ELMO1: variants seen among roughly 807,000 people sequenced by gnomAD.
The protein encoded by ELMO1 is engulfment and cell motility protein 1.
Under a neutral mutation model 98.9 loss-of-function variants are expected in ELMO1, and 26 were observed. The observed-to-expected ratio is 0.26, with a 90% CI of 0.19 to 0.36. ELMO1 has a LOEUF of 0.36. Ranked by LOEUF, ELMO1 falls within the 10% of genes least tolerant of loss-of-function variation. The pLI is 1.00. For synonymous variants in ELMO1, 346 were observed against 346.0 expected (o/e 1.00, Z 0.00); for missense variants, 627 against 935.2 (o/e 0.67, Z 4.30).
intron 1 of ELMO1, among the ~76,000 whole-genome samples, chr7:37,372,671 T>C (rs1157970949): frequency 6.6e-6 from 1 of 152,222 alleles, no homozygotes; most frequent in East Asian, 1.9e-4. Context: ...CATATGCAAG[T>C]GTATTTCAAA....
intron 1 of ELMO1, among the ~76,000 whole-genome samples, chr7:37,444,047 G>C (rs1169438709): frequency 6.6e-6 from 1 of 152,186 alleles, no homozygotes; most frequent in Non-Finnish European, 1.5e-5. Flanking sequence ...TGGGACTACA[G>C]GTGCATGCCA....
intron 2 of ELMO1, among the ~76,000 whole-genome samples, chr7:37,331,355 T>TTTTTTTTTTTTTTC (rs1479168474): frequency 9.5e-6 from 1 of 105,668 alleles, no homozygotes; most frequent in African/African-American, 3.6e-5. Context: ...TTTTTTTTTT[T>TTTTTTTTTTTTTTC]GGAATTTTAG....
chr7:37,233,431 C>T (rs1794291574), intron 7 of ELMO1, among the ~76,000 whole-genome samples: 1 of 152,118 alleles, frequency 6.6e-6, no homozygotes, highest in African/African-American at 2.4e-5. Context: ...TCCAACAGAC[C>T]CGGGCTCACA....
chr7:37,159,115 G>T (rs1212504771), intron 13 of ELMO1, among the ~76,000 whole-genome samples: 1 of 152,148 alleles, frequency 6.6e-6, no homozygotes, highest in Non-Finnish European at 1.5e-5. Flanking sequence ...GAGAACACAT[G>T]CACACAGGGA....
chr7:37,282,740 C>G (rs1412782143), intron 4 of ELMO1, among the ~76,000 whole-genome samples: 1 of 152,210 alleles, frequency 6.6e-6, no homozygotes, highest in Non-Finnish European at 1.5e-5. Context: ...CTTGCAGGGG[C>G]TGCTCACCAT....
chr7:36,984,805 A>T, intron 16 of ELMO1: 1 of 737,844 alleles, frequency 1.4e-6, no homozygotes. Context: ...TAAAAAAAGT[A>T]ACATGATGAA....
intron 8 of ELMO1, among the ~76,000 whole-genome samples, chr7:37,226,785 T>C (rs925666857): frequency 5.9e-5 from 9 of 152,174 alleles, no homozygotes; most frequent in Non-Finnish European, 1.0e-4. Context: ...ATCCACTCTT[T>C]TCATTCAGCC....
At chr7:37,080,137 C>T (rs1177060510) in intron 15 of ELMO1, among the ~76,000 whole-genome samples, 1 of 152,148 alleles carries the variant, frequency 6.6e-6, no homozygotes, top group East Asian at 1.9e-4. Context: ...CAGGAAAATC[C>T]TGTTGGCTCT....
chr7:36,869,629 T>C (rs150498471), intron 20 of ELMO1, among the ~76,000 whole-genome samples: 4,295 of 152,282 alleles, frequency 0.028, 144 homozygotes, highest in South Asian at 0.15. Context: ...GATCACAAGA[T>C]TCTAAGAGGC....
chr7:37,019,326 A>C (rs559794331), intron 15 of ELMO1, among the ~76,000 whole-genome samples: 3 of 152,364 alleles, frequency 2.0e-5, no homozygotes, highest in African/African-American at 7.2e-5. Flanking sequence ...GGCAAATAAC[A>C]AAGTAAGAAT....
chr7:37,137,234 T>C (rs184138033), intron 13 of ELMO1, among the ~76,000 whole-genome samples: 136 of 152,258 alleles, frequency 8.9e-4, no homozygotes, highest in African/African-American at 3.1e-3. Context: ...CAATACTAAA[T>C]ATATATGCAT....
At chr7:36,894,764 C>T in intron 17 of ELMO1, 90 bp downstream of exon 17, 1 of 1,550,460 alleles carries the variant, frequency 6.4e-7, no homozygotes, top group South Asian at 1.2e-5. Flanking sequence ...GAGGAGCTCA[C>T]AACACAGCCC....
chr7:37,104,010 CAAAAAAAAAAAAAAAAAAAA>C (rs35979251), intron 14 of ELMO1, among the ~76,000 whole-genome samples: 2,093 of 29,178 alleles, frequency 0.072, 129 homozygotes, highest in African/African-American at 0.15. Flanking sequence ...GACTCCATCT[CAAAAAAAAAAAAAAAAAAAA>C]AAAAAAAAAA....
chr7:36,855,556 TAC>T lies in ELMO1; in HGVS notation c.2177_2178del (p.Cys726Ter). 3 of 1,614,048 alleles carry T rather than the reference TAC, an allele frequency of 1.9e-6. No individual in the cohort carries two copies. Among genetic ancestry groups the T allele is most frequent in the Non-Finnish European group, 2.5e-6 (3 of 1,179,972 alleles). ...CATGTCTGGGCCCGGCCACTTCAGT[TAC>T]AGTCATAGACGAAGTCATAGTTGCT... ...EPSNYDFVYD[C>X]N On this transcript the variant is annotated frameshift_variant, in exon 22 of 22. Coordinates refer to ENST00000310758, the MANE Select transcript of ELMO1 (RefSeq NM_014800.11). LOFTEE classifies it high-confidence loss of function. The surrounding 1 kb of genome is among the most constrained non-coding windows in gnomAD (Gnocchi z 4.2).
chr7:37,270,593 G>C (rs1326143796), intron 5 of ELMO1: 1 of 152,080 alleles, frequency 6.6e-6, no homozygotes, highest in African/African-American at 2.4e-5. Context: ...TAATTTTTTA[G>C]GAAAGCAATG....
At chr7:37,321,518 G>C (rs1036942391) in intron 2 of ELMO1, among the ~76,000 whole-genome samples, 5 of 151,770 alleles carry the variant, frequency 3.3e-5, no homozygotes, top group Non-Finnish European at 5.9e-5. Flanking sequence ...GAGATCGAGA[G>C]CATCCTGGCT....
chr7:37,269,737 C>T (rs1372110066), intron 5 of ELMO1: 1 of 152,144 alleles, frequency 6.6e-6, no homozygotes, highest in Non-Finnish European at 1.5e-5. Flanking sequence ...AGCCACTGCA[C>T]CCGGCTGCTC....
intron 13 of ELMO1, among the ~76,000 whole-genome samples, chr7:37,141,567 T>C (rs1169830801): frequency 1.3e-5 from 2 of 152,062 alleles, no homozygotes; most frequent in East Asian, 1.9e-4. Context: ...CAGATCTAAA[T>C]GGTGAATAAT....
chr7:37,054,994 A>T (rs1210840849), intron 15 of ELMO1, among the ~76,000 whole-genome samples: 1 of 152,246 alleles, frequency 6.6e-6, no homozygotes, highest in East Asian at 1.9e-4. Flanking sequence ...CTGCTTAAAA[A>T]CAATAGCACT....
Sources: allele counts gnomAD v4.1 joint callset (sites outside exome capture counted in the v4.1 genomes callset), GRCh38; gene constraint gnomAD v4.1.1; non-coding constraint Gnocchi (gnomAD v3.1); transcripts MANE v1.5; gene names NCBI Gene and HGNC (gene_info 2026-07-23, HGNC 2026-07-21).